The following ELP1 variants were observed in gnomAD, a reference collection of about 807,000 sequenced individuals.
ELP1 encodes elongator acetyltransferase complex subunit 1.
A neutral mutation model predicts 183.2 loss-of-function variants in ELP1; 131 were observed. That is an observed-to-expected ratio of 0.72 (90% CI 0.62 to 0.83). The LOEUF (loss-of-function observed/expected upper bound fraction) is 0.83, where lower values mean the gene tolerates loss of function less well. Among genes scored for constraint, ELP1 ranks in the 40% least tolerant of loss-of-function variants. The probability of loss-of-function intolerance (pLI) is 0.00; values close to 1 mark genes in which losing one functional copy is unlikely to be tolerated. For synonymous variants in ELP1, 555 were observed against 569.0 expected (o/e 0.98, Z 0.35); for missense variants, 1,550 against 1,594.9 (o/e 0.97, Z 0.48).
chr9:108,932,965 T>A (rs1004417258), intron 1 of ELP1, among the ~76,000 whole-genome samples: 2 of 152,214 alleles, frequency 1.3e-5, no homozygotes, highest in Non-Finnish European at 2.9e-5. Flanking sequence ...CTTCCCTTGC[T>A]CCTTCGACTA....
rs1350297528 is a variant in ELP1, at chr9:108,930,958, G to A, written c.150+39C>T. 3.7e-6 allele frequency: 6 copies of A among 1,605,718 alleles called. No homozygotes were observed. The African/African-American group carries it at 8.0e-5, about 21-fold the overall frequency. ...AAATTTGGAAGAAGAGAAATCAAGG[G>A]TCATACCCACATGCTGGCATTCTAC... is the stretch of plus-strand genomic sequence containing the variant. On this transcript the variant is annotated intron_variant, in intron 2 of 36. Coordinates refer to ENST00000374647, the MANE Select transcript of ELP1 (RefSeq NM_003640.5).
chr9:108,908,255 G>A (rs1286163133), intron 13 of ELP1, 50 bp downstream of exon 13: 2 of 1,353,644 alleles, frequency 1.5e-6, no homozygotes, highest in Non-Finnish European at 2.1e-6. Context: ...ATTTAGGACT[G>A]CATGCTGGCT....
In ELP1 at chr9:108,882,138, T is replaced by C; in HGVS notation, c.3272A>G (p.Glu1091Gly). The part of the protein sequence containing the change: ...LLLLEGAAWE[E>G]ALRLVYKYNR... The stretch of plus-strand genomic sequence containing the variant: ...CAAGATTCTTACCAGCCTCAAAGCT[T>C]CTTCCCAGGCAGCTCCTTCTAACAG... The change falls in exon 30 of 37, where the codon GAA becomes GGA. Residue 1091 changes from glutamate to glycine, a missense_variant. Glu to Gly is a moderately conservative substitution (Grantham distance 98, BLOSUM62 -2). Coordinates refer to ENST00000374647, the MANE Select transcript of ELP1 (RefSeq NM_003640.5). 2.5e-6 allele frequency: 4 copies of C among 1,613,642 alleles called. No homozygotes were observed. Among genetic ancestry groups the C allele is most frequent in the Admixed American group, 1.7e-5 (1 of 60,016 alleles).
intron 6 of ELP1, 54 bp downstream of exon 6, chr9:108,922,788 G>A (rs1334771700): frequency 2.9e-6 from 4 of 1,360,520 alleles, no homozygotes; most frequent in Non-Finnish European, 4.2e-6. Flanking sequence ...CCTGGTGGGT[G>A]GCAAACTTAC....
chr9:108,897,219 A>T lies in ELP1; in HGVS notation c.2430T>A (p.Asp810Glu). 1.9e-6 allele frequency: 3 copies of T among 1,614,112 alleles called. No homozygotes were observed. The highest frequency in any genetic ancestry group is 2.5e-6 in the Non-Finnish European group (3 of 1,180,010). The change falls in exon 23 of 37, where the codon GAT becomes GAA. Residue 810 changes from aspartate to glutamate, a missense_variant. By Grantham distance (45) the Asp-to-Glu change is conservative. Coordinates refer to ENST00000374647, the MANE Select transcript of ELP1 (RefSeq NM_003640.5). ...PVTSSVYLSR[D>E]PDGNKIDLVC... ...CAAGGTCTATTTTATTCCCGTCAGG[A>T]TCCCTGGACAGGTAGACACTGCTGG...
At chr9:108,906,697 C>T (rs1829034818) in intron 13 of ELP1, among the ~76,000 whole-genome samples, 1 of 152,140 alleles carries the variant, frequency 6.6e-6, no homozygotes. Flanking sequence ...CTAAATTTCT[C>T]ATACCCTGAA....
At chr9:108,908,434 C>T (rs368556332) in intron 12 of ELP1, 30 bp from the exon 13 acceptor site, 77 of 1,509,892 alleles carry the variant, frequency 5.1e-5, no homozygotes, top group African/African-American at 8.3e-5. Context: ...ATATTATCAT[C>T]GTAAATTATA....
At position 108,878,111 on chromosome 9, in the gene ELP1, CAA is replaced by C; in HGVS notation, c.3737_3738del (p.Phe1246Ter). 1 of 1,611,980 alleles carries C rather than the reference CAA, an allele frequency of 6.2e-7. No homozygotes were observed. Among genetic ancestry groups the C allele is most frequent in the Non-Finnish European group, 8.5e-7 (1 of 1,178,154 alleles). On this transcript the variant is annotated frameshift_variant, in exon 35 of 37. Transcript: ENST00000374647. LOFTEE classifies it high-confidence loss of function. ...VYHILKVLFL[F>X]EFDEQGRELQ... ...AATTCCCTTCCTTGTTCATCAAACT[CAA>C]AGAGAAAGAGTACCTTTAAAATATG...
At position 108,931,054 on chromosome 9, in the gene ELP1, C is replaced by A. The variant is rs778404648; in HGVS notation, c.93G>T (p.Gly31=). 11 of 1,614,124 alleles carry A rather than the reference C, an allele frequency of 6.8e-6. No individual in the cohort carries two copies. The highest frequency in any genetic ancestry group is 9.3e-6 in the Non-Finnish European group (11 of 1,180,004). ...PQCFSLRTEQ[G]TVLIGSEHGL... ...CATGTTCTGAACCAATGAGCACCGTCCCCTGTTCAGTTCGGAGAGAGAAGC... is the reference window on the plus strand; with the variant it reads ...CATGTTCTGAACCAATGAGCACCGTACCCTGTTCAGTTCGGAGAGAGAAGC... Residue 31 remains glycine (G), a synonymous_variant, in exon 2 of 37, where the codon GGG becomes GGT. Coordinates refer to ENST00000374647, the MANE Select transcript of ELP1 (RefSeq NM_003640.5).
chr9:108,916,162 C>A lies in ELP1; in HGVS notation c.958+42G>T, dbSNP rs766569765. The A allele has an allele frequency of 2.7e-6, 4 of 1,456,512 alleles. No individual in the cohort carries two copies. In the East Asian group the frequency reaches 6.8e-5, roughly 25 times the overall value. 90.2% of individuals were successfully genotyped at this position (1,456,512 alleles called of 1,614,324 possible). ...TCCCATACCTGTCTACTTTCAACTA[C>A]GTTTTATGGGGCAGAAGGCTGGGGT... On this transcript the variant is annotated intron_variant, in intron 10 of 36. Transcript: ENST00000374647.
Position 108,929,782 on chromosome 9 carries a change from A to G in ELP1, c.290T>C (p.Leu97Pro). The change falls in exon 3 of 37, where the codon CTC (leucine) becomes CCC (proline). Residue 97 changes from leucine to proline, a missense_variant. By Grantham distance (98) the Leu-to-Pro change is moderately conservative. Coordinates refer to ENST00000374647, the MANE Select transcript of ELP1 (RefSeq NM_003640.5). ...TASGDVILCS[L>P]STQQLECVGS... ...TCTTCCACTTACCTGTTGTGTGCTG[A>G]GACTGCAGAGTATGACGTCTCCAGA... is the stretch of plus-strand genomic sequence containing the variant. 6.2e-7 allele frequency: 1 copy of G among 1,614,054 alleles called. No individual in the cohort carries two copies. The highest frequency in any genetic ancestry group is 8.5e-7 in the Non-Finnish European group (1 of 1,180,024).
rs977558896 is a variant in ELP1, at chr9:108,906,398, A to G, written c.1548T>C (p.Ala516=). ...GGGGGCTGAACTCACTGTGGCTTACAGCCAGGAAGACGTCTTCTTCAATCC... is the reference window on the plus strand; with the variant it reads ...GGGGGCTGAACTCACTGTGGCTTACGGCCAGGAAGACGTCTTCTTCAATCC... ...LTWIEEDVFL[A]VSHSEFSPRS... The change falls in exon 14 of 37, where the codon GCT becomes GCC. Residue 516 remains alanine (A), a synonymous_variant. Transcript: ENST00000374647. 2 of 1,614,022 alleles carry G rather than the reference A, an allele frequency of 1.2e-6. No homozygotes were observed. The highest frequency in any genetic ancestry group is 8.5e-7 in the Non-Finnish European group (1 of 1,179,974).
chr9:108,915,236 ATGAC>A (rs1452524550), intron 10 of ELP1, among the ~76,000 whole-genome samples: 1 of 152,198 alleles, frequency 6.6e-6, no homozygotes, highest in African/African-American at 2.4e-5. Flanking sequence ...AAAGCACGTG[ATGAC>A]TTACAACAGT....
At chr9:108,872,812 A>AC (rs1587865437) in intron 36 of ELP1, among the ~76,000 whole-genome samples, 3 of 48,788 alleles carry the variant, frequency 6.1e-5, no homozygotes, top group East Asian at 1.1e-3. Context: ...CTGAAAAAAA[A>AC]AAAAAAAAAA....
chr9:108,879,920 C>T, intron 32 of ELP1, 132 bp downstream of exon 32: 1 of 725,488 alleles, frequency 1.4e-6, no homozygotes, highest in Non-Finnish European at 2.5e-6. Context: ...TGAAGGGGCT[C>T]CACAGAAGCC....
At chr9:108,921,072 A>G (rs754374862) in intron 6 of ELP1, among the ~76,000 whole-genome samples, 9 of 152,212 alleles carry the variant, frequency 5.9e-5, no homozygotes, top group Non-Finnish European at 8.8e-5. Flanking sequence ...ACATATTATT[A>G]AGGTTCACCC....
intron 24 of ELP1, 30 bp downstream of exon 24, chr9:108,896,923 T>C (rs1828572973): frequency 6.3e-7 from 1 of 1,590,564 alleles, no homozygotes; most frequent in African/African-American, 1.3e-5. Flanking sequence ...ACGGCCACCT[T>C]AAGCACTTTC....
In ELP1 at chr9:108,889,312, A is replaced by C; in HGVS notation, c.3222+20T>G. 1 of 1,611,090 alleles carries C rather than the reference A, an allele frequency of 6.2e-7. No homozygotes were observed. Among genetic ancestry groups the C allele is most frequent in the Non-Finnish European group, 8.5e-7 (1 of 1,177,256 alleles). ...CTTTCTTGCTGACTGGGGGGTTTAG[A>C]AGGGAGGAATTGAGTTTACCTGGGC... is the stretch of plus-strand genomic sequence containing the variant. On this transcript the variant is annotated intron_variant, in intron 29 of 36. Coordinates refer to ENST00000374647, the MANE Select transcript of ELP1 (RefSeq NM_003640.5).
At chr9:108,923,109 C>T (rs989724149) in intron 5 of ELP1, among the ~76,000 whole-genome samples, 182 bp from the exon 6 acceptor site, 4 of 152,228 alleles carry the variant, frequency 2.6e-5, no homozygotes, top group Non-Finnish European at 5.9e-5. Flanking sequence ...GTGGCTCATG[C>T]CTATAGTCCC....
Sources: allele counts gnomAD v4.1 joint callset (sites outside exome capture counted in the v4.1 genomes callset), GRCh38; gene constraint gnomAD v4.1.1; transcripts MANE v1.5; gene names NCBI Gene and HGNC (gene_info 2026-07-23, HGNC 2026-07-21).